The following CACNG7 variants were observed in gnomAD, a reference collection of about 807,000 sequenced individuals.
CACNG7 encodes the protein voltage-dependent calcium channel gamma-7 subunit.
Under a neutral mutation model 26.3 loss-of-function variants are expected in CACNG7, and 9 were observed. The ratio of observed to expected loss-of-function variants is 0.34; its 90% CI spans 0.21 to 0.60. The LOEUF is 0.60. Among genes scored for constraint, CACNG7 ranks in the 20% least tolerant of loss-of-function variants. The pLI is 0.81. For synonymous variants in CACNG7, 170 were observed against 157.0 expected, an observed-to-expected ratio of 1.08 and a Z score of -0.62; for missense variants, 297 against 380.4, an observed-to-expected ratio of 0.78 and a Z score of 1.82.
chr19:53,935,106 T>C (rs2069096936), intron 4 of CACNG7, among the ~76,000 whole-genome samples: 1 of 152,088 alleles, frequency 6.6e-6, no homozygotes. Flanking sequence ...AATATATGCA[T>C]ATGTGTGCAC....
chr19:53,919,827 C>T (rs1038130746), intron 4 of CACNG7, among the ~76,000 whole-genome samples: 2 of 136,182 alleles, frequency 1.5e-5, no homozygotes, highest in Non-Finnish European at 3.1e-5. Flanking sequence ...TGCCCCAGGT[C>T]TGGTCATTGG....
chr19:53,926,272 C>G (rs150400205), intron 4 of CACNG7, among the ~76,000 whole-genome samples: 1 of 152,114 alleles, frequency 6.6e-6, no homozygotes, highest in Non-Finnish European at 1.5e-5. Flanking sequence ...AGATCTCTGA[C>G]CTCATCTCCT....
intron 4 of CACNG7, among the ~76,000 whole-genome samples, chr19:53,925,166 T>C (rs1307745456): frequency 9.1e-6 from 1 of 109,452 alleles, no homozygotes; most frequent in African/African-American, 4.5e-5. Flanking sequence ...GCCCCAGGTC[T>C]GGTCATTGGT....
intron 4 of CACNG7, among the ~76,000 whole-genome samples, chr19:53,935,206 G>A (rs1288962312): frequency 6.6e-6 from 1 of 152,050 alleles, no homozygotes; most frequent in African/African-American, 2.4e-5. Context: ...CTAAGAACAA[G>A]GGCATTCTTT....
intron 4 of CACNG7, among the ~76,000 whole-genome samples, chr19:53,922,454 G>GA (rs1382431965): frequency 1.0e-5 from 1 of 96,728 alleles, no homozygotes; most frequent in Admixed American, 9.1e-5. Flanking sequence ...GTTGTCCCAG[G>GA]CTGGTCATTG....
intron 4 of CACNG7, among the ~76,000 whole-genome samples, chr19:53,926,461 T>G (rs1300470936): frequency 6.6e-6 from 1 of 152,106 alleles, no homozygotes; most frequent in African/African-American, 2.4e-5. Flanking sequence ...AGCCTCAAAC[T>G]TTTTCTCTTC....
At chr19:53,920,968 C>A (rs1323875120) in intron 4 of CACNG7, among the ~76,000 whole-genome samples, 1 of 98,342 alleles carries the variant, frequency 1.0e-5, no homozygotes, top group African/African-American at 5.2e-5. Flanking sequence ...TGGACTTGCC[C>A]CAGGCTGGTC....
chr19:53,925,203 T>C lies in CACNG7; in HGVS notation c.424+9698T>C, dbSNP rs866205855. On this transcript the variant is annotated intron_variant, in intron 4 of 5. Coordinates refer to ENST00000391767, the MANE Select transcript of CACNG7 (RefSeq NM_031896.5). ...AAGTTGCCCCAGGTCTGGTCATTGGTGGACTTGCCCCAGGCTGGTCATTGG... is the reference window on the plus strand; with the variant it reads ...AAGTTGCCCCAGGTCTGGTCATTGGCGGACTTGCCCCAGGCTGGTCATTGG... 1.8e-3 allele frequency among the ~76,000 whole-genome samples: 245 copies of C among 134,792 alleles called. 2 individuals carry two copies. The highest frequency in any genetic ancestry group is 4.4e-3 in the Middle Eastern group (1 of 228). The allele number at this position is 134,792 out of a possible 152,430, so 88.4% of individuals were successfully genotyped here.
intron 4 of CACNG7, among the ~76,000 whole-genome samples, chr19:53,930,647 A>T (rs1568781433): frequency 6.6e-6 from 1 of 152,090 alleles, no homozygotes; most frequent in Non-Finnish European, 1.5e-5. Flanking sequence ...TGCTGGGATT[A>T]CAGGCCTGAG....
Position 53,942,564 on chromosome 19 carries a change from G to T in CACNG7, c.*271G>T. On this transcript the variant is annotated 3_prime_UTR_variant, in exon 6 of 6. Transcript: ENST00000391767. The surrounding 1 kb of genome is among the most constrained non-coding windows in gnomAD (Gnocchi z 5.9). ...TTCGTTGGCCCGCCCCTTTCCTCTG[G>T]CCCCTCCTCTCCAAGAAAATTAGCT... 7.4e-7 allele frequency: 1 copy of T among 1,351,332 alleles called. No homozygotes were observed. The highest frequency in any genetic ancestry group is 9.5e-7 in the Non-Finnish European group (1 of 1,053,888). 83.7% of individuals were successfully genotyped at this position (1,351,332 alleles called of 1,614,324 possible).
chr19:53,923,060 A>C (rs1361209197), intron 4 of CACNG7, among the ~76,000 whole-genome samples: 4 of 116,216 alleles, frequency 3.4e-5, no homozygotes, highest in Non-Finnish European at 6.8e-5. Context: ...TCATTGGTGC[A>C]GTTGTCCCCA....
At chr19:53,937,669 C>T (rs1023867645) in intron 4 of CACNG7, among the ~76,000 whole-genome samples, 1 of 147,786 alleles carries the variant, frequency 6.8e-6, no homozygotes, top group Non-Finnish European at 1.5e-5. Context: ...TGACTCATTG[C>T]AACCTCTGCT....
At chr19:53,923,846 C>T (rs2068992582) in intron 4 of CACNG7, among the ~76,000 whole-genome samples, 2 of 132,348 alleles carry the variant, frequency 1.5e-5, no homozygotes, top group African/African-American at 6.3e-5. Flanking sequence ...GTGGAGTTGC[C>T]CCAGGCCTGG....
chr19:53,920,988 G>GCCCCAGGCTGGTCATTGGTGGAC (rs1568773852), intron 4 of CACNG7, among the ~76,000 whole-genome samples: 6 of 40,192 alleles, frequency 1.5e-4, no homozygotes, highest in Middle Eastern at 0.028. Context: ...CATTGGTGGA[G>GCCCCAGGCTGGTCATTGGTGGAC]TTGCCCCAGG....
chr19:53,917,990 T>C (rs538665635), intron 4 of CACNG7, among the ~76,000 whole-genome samples: 1 of 152,258 alleles, frequency 6.6e-6, no homozygotes, highest in Non-Finnish European at 1.5e-5. Context: ...AGGGTAACAA[T>C]AGAGTAATTC....
At chr19:53,913,827 G>A (rs75459818) in intron 2 of CACNG7, among the ~76,000 whole-genome samples, 4,862 of 147,368 alleles carry the variant, frequency 0.033, 263 homozygotes, top group African/African-American at 0.12. Context: ...ATACCTCCCA[G>A]GGACCACAAA....
intron 4 of CACNG7, among the ~76,000 whole-genome samples, chr19:53,937,379 C>G (rs1287072358): frequency 6.6e-6 from 1 of 152,124 alleles, no homozygotes; most frequent in East Asian, 1.9e-4. Context: ...TTTTGCATTC[C>G]CACCAGCAAT....
intron 4 of CACNG7, among the ~76,000 whole-genome samples, chr19:53,918,219 G>A (rs1405982025): frequency 6.6e-6 from 1 of 152,176 alleles, no homozygotes; most frequent in Non-Finnish European, 1.5e-5. Flanking sequence ...AGTTATTGAG[G>A]GGACAAATCT....
chr19:53,922,442 G>C (rs1202536442), intron 4 of CACNG7, among the ~76,000 whole-genome samples: 4 of 122,098 alleles, frequency 3.3e-5, no homozygotes, highest in East Asian at 2.5e-4. Flanking sequence ...GTCATTGGTG[G>C]AGTTGTCCCA....
Sources: gnomAD v4.1 joint callset for allele counts (sites outside exome capture counted in the v4.1 genomes callset) on GRCh38, gnomAD v4.1.1 for gene constraint, Gnocchi (gnomAD v3.1) non-coding constraint, MANE v1.5 for transcripts, NCBI Gene and HGNC (gene_info 2026-07-23, HGNC 2026-07-21) for gene names.